Variants in MPDZ observed in about 807,000 individuals in gnomAD.
MPDZ encodes the protein multiple PDZ domain protein.
A neutral mutation model predicts 239.1 loss-of-function variants in MPDZ; 234 were observed. The observed-to-expected ratio is 0.98, with a 90% CI of 0.88 to 1.09. The LOEUF is 1.09. Among genes scored for constraint, MPDZ ranks in the 50% least tolerant of loss-of-function variants. The pLI is 0.00. For missense variants in MPDZ, 3,175 were observed against 2,510.0 expected (o/e 1.26, Z -5.66); for synonymous variants, 1,048 against 881.3 (o/e 1.19, Z -3.35).
chr9:13,252,561 TC>T (rs1417238365), intron 1 of MPDZ, among the ~76,000 whole-genome samples: 3 of 55,042 alleles, frequency 5.5e-5, no homozygotes. Context: ...TGAGACTCTG[TC>T]CCCCGCAAAA....
At chr9:13,224,216 A>G (rs953522255) in intron 4 of MPDZ, among the ~76,000 whole-genome samples, 158 bp downstream of exon 4, 1 of 152,114 alleles carries the variant, frequency 6.6e-6, no homozygotes, top group Admixed American at 6.6e-5. Context: ...CTGTAATAGA[A>G]AACGTCTGAA....
chr9:13,162,597 C>G, intron 23 of MPDZ, 94 bp downstream of exon 23: 1 of 606,730 alleles, frequency 1.6e-6, no homozygotes, highest in Non-Finnish European at 2.7e-6. Flanking sequence ...AGGATTCAGA[C>G]CTTTTCTTTG....
chr9:13,253,490 T>A (rs903685912), intron 1 of MPDZ, among the ~76,000 whole-genome samples: 1 of 152,168 alleles, frequency 6.6e-6, no homozygotes, highest in African/African-American at 2.4e-5. Flanking sequence ...AATCACAAAA[T>A]TTTTTAGATA....
chr9:13,110,559 T>C (rs1194150175), intron 44 of MPDZ, 77 bp downstream of exon 44: 1 of 951,638 alleles, frequency 1.1e-6, no homozygotes, highest in African/African-American at 1.6e-5. Context: ...TTTAATCATT[T>C]TTACTGCTTT....
chr9:13,252,656 C>G (rs906404032), intron 1 of MPDZ, among the ~76,000 whole-genome samples: 1 of 151,864 alleles, frequency 6.6e-6, no homozygotes, highest in Admixed American at 6.6e-5. Context: ...CGAGACCAGC[C>G]TGGCCAACAT....
intron 42 of MPDZ, 27 bp from the exon 43 acceptor site, chr9:13,112,173 G>T: frequency 6.3e-7 from 1 of 1,579,752 alleles, no homozygotes; most frequent in South Asian, 1.2e-5. Context: ...ATAAAATTTT[G>T]GTCAAAGTGA....
At chr9:13,123,746 A>G (rs1452056011) in intron 35 of MPDZ, among the ~76,000 whole-genome samples, 1 of 152,232 alleles carries the variant, frequency 6.6e-6, no homozygotes, top group Non-Finnish European at 1.5e-5. Flanking sequence ...AGGGAATACC[A>G]CAAAACATAT....
At chr9:13,132,723 G>A (rs768379323) in intron 32 of MPDZ, among the ~76,000 whole-genome samples, 4 of 152,186 alleles carry the variant, frequency 2.6e-5, no homozygotes, top group Admixed American at 2.6e-4. Context: ...ACAAGTCTAT[G>A]AGGTAAGTTG....
At chr9:13,221,746 A>G (rs936051874) in intron 6 of MPDZ, among the ~76,000 whole-genome samples, 5 of 151,960 alleles carry the variant, frequency 3.3e-5, no homozygotes, top group Admixed American at 2.6e-4. Context: ...ACAGTTAAAG[A>G]CAGGCATTGA....
intron 32 of MPDZ, among the ~76,000 whole-genome samples, chr9:13,132,842 A>G (rs1231522885): frequency 6.6e-6 from 1 of 152,122 alleles, no homozygotes; most frequent in Non-Finnish European, 1.5e-5. Flanking sequence ...TCTCTGACAC[A>G]TGTGGTCTGG....
chr9:13,163,776 G>C (rs1322865530), intron 22 of MPDZ, among the ~76,000 whole-genome samples: 1 of 152,034 alleles, frequency 6.6e-6, no homozygotes, highest in African/African-American at 2.4e-5. Flanking sequence ...CTCAGCACTG[G>C]AGGGCAAAGA....
At position 13,122,130 on chromosome 9, in the gene MPDZ, G is replaced by C. The variant is rs755720292; in HGVS notation, c.4994C>G (p.Ala1665Gly). Residue 1665 changes from alanine (A) to glycine (G), a missense_variant, in exon 37 of 47, where the codon GCA becomes GGA. Physicochemically the swap from Ala to Gly is moderately conservative, Grantham distance 60 (BLOSUM62 0). Coordinates refer to ENST00000319217, the MANE Select transcript of MPDZ (RefSeq NM_001378778.1). ...AGCCCAGAGTCTTCCATCTTTACAT[G>C]CTGCTCCTTCTTCATAAACTTCATG... is the stretch of plus-strand genomic sequence containing the variant. Reference protein sequence around the residue: ...IIHEVYEEGAACKDGRLWAGD... With the variant: ...IIHEVYEEGAGCKDGRLWAGD... The C allele has an allele frequency of 2.2e-5, 35 of 1,613,842 alleles. No individual in the cohort carries two copies. The South Asian group carries it at 3.7e-4, about 17-fold the overall frequency.
At chr9:13,113,642 A>C (rs1338285425) in intron 41 of MPDZ, among the ~76,000 whole-genome samples, 1 of 152,218 alleles carries the variant, frequency 6.6e-6, no homozygotes, top group African/African-American at 2.4e-5. Flanking sequence ...TGTTACATTA[A>C]ACACAGAAAA....
intron 23 of MPDZ, among the ~76,000 whole-genome samples, chr9:13,158,317 T>C (rs1950068230): frequency 6.6e-6 from 1 of 152,122 alleles, no homozygotes; most frequent in Non-Finnish European, 1.5e-5. Context: ...CAACGTACCA[T>C]AGCGTAGAGC....
At position 13,112,087 on chromosome 9, in the gene MPDZ, A is replaced by T. The variant is rs370455521; in HGVS notation, c.5661T>A (p.Asp1887Glu). ...IAGGVGSPLG[D>E]VPIFIAMMHP... ...GCATCATTGCAATAAATATAGGCAC[A>T]TCACCAAGTGGGCTGCCTACTCCTC... Residue 1887 changes from aspartate (D) to glutamate (E), a missense_variant, in exon 43 of 47, where the codon GAT (aspartate) becomes GAA (glutamate). Coordinates refer to ENST00000319217, the MANE Select transcript of MPDZ (RefSeq NM_001378778.1). The T allele has an allele frequency of 3.7e-6, 6 of 1,613,552 alleles. No homozygotes were observed. The highest frequency in any genetic ancestry group is 2.2e-5 in the East Asian group (1 of 44,848).
chr9:13,176,313 C>CGAA lies in MPDZ; in HGVS notation c.2751_2753dup (p.Ser918dup), dbSNP rs1563964046. The stretch of plus-strand genomic sequence containing the variant: ...AAGCAGGCCCCATACTTATGTCCAC[C>CGAA]GAAGGTGTATTCTCATCCTGTCTTT... On this transcript the variant is annotated inframe_insertion, in exon 20 of 47. Transcript: ENST00000319217. The CGAA allele has an allele frequency of 6.2e-7, 1 of 1,608,216 alleles. No individual in the cohort carries two copies. The highest frequency in any genetic ancestry group is 8.5e-7 in the Non-Finnish European group (1 of 1,176,946).
At chr9:13,135,201 T>C (rs1246847804) in intron 31 of MPDZ, 1 of 152,230 alleles carries the variant, frequency 6.6e-6, no homozygotes, top group Non-Finnish European at 1.5e-5. Flanking sequence ...CCATCCCTCA[T>C]GTCACTAAGT....
At chr9:13,230,459 T>C (rs1362187863) in intron 3 of MPDZ, among the ~76,000 whole-genome samples, 1 of 152,066 alleles carries the variant, frequency 6.6e-6, no homozygotes, top group Admixed American at 6.6e-5. Context: ...AAGAAAAATA[T>C]TAATATATGC....
chr9:13,211,027 G>A (rs908202409), intron 10 of MPDZ, among the ~76,000 whole-genome samples: 1 of 152,082 alleles, frequency 6.6e-6, no homozygotes. Context: ...GAAAAATTAG[G>A]TGGGGAGAGA....
Sources: gnomAD v4.1 joint callset for allele counts (sites outside exome capture counted in the v4.1 genomes callset) on GRCh38, gnomAD v4.1.1 for gene constraint, MANE v1.5 for transcripts, NCBI Gene and HGNC (gene_info 2026-07-23, HGNC 2026-07-21) for gene names.